The following MTG2 variants were observed in gnomAD, a reference collection of about 807,000 sequenced individuals.
MTG2 encodes mitochondrial ribosome-associated GTPase 2.
Under a neutral mutation model 28.6 loss-of-function variants are expected in MTG2, and 23 were observed. The ratio of observed to expected loss-of-function variants is 0.80; its 90% CI spans 0.58 to 1.14. The LOEUF is 1.14. Ranked by LOEUF, MTG2 falls within the 50% of genes most tolerant of loss-of-function variation. The pLI is 0.00. For missense variants in MTG2, 539 were observed against 552.0 expected, an observed-to-expected ratio of 0.98 and a Z score of 0.24; for synonymous variants, 260 against 251.8, an observed-to-expected ratio of 1.03 and a Z score of -0.31.
chr20:62,185,196 G>A (rs1241550764), intron 1 of MTG2, among the ~76,000 whole-genome samples: 1 of 151,768 alleles, frequency 6.6e-6, no homozygotes, highest in Non-Finnish European at 1.5e-5. Context: ...GGCGGATCAC[G>A]AGATCAGGAG....
At chr20:62,183,748 A>G (rs73917830) in intron 1 of MTG2, among the ~76,000 whole-genome samples, 10,277 of 152,234 alleles carry the variant, frequency 0.068, 444 homozygotes, top group South Asian at 0.19. Flanking sequence ...AAAGGGGAGG[A>G]CCCATTATAA....
At chr20:62,200,132 C>T (rs1228865887) in intron 6 of MTG2, 1 of 152,292 alleles carries the variant, frequency 6.6e-6, no homozygotes, top group Non-Finnish European at 1.5e-5. Context: ...TATTTCTTCC[C>T]ACTCTATTTG....
rs545800228 is a variant in MTG2, at chr20:62,202,529, G to C, written c.*1452G>C. The C allele has an allele frequency of 2.6e-5, 4 of 152,622 alleles. No individual in the cohort carries two copies. The highest frequency in any genetic ancestry group is 9.6e-5 in the African/African-American group (4 of 41,546). 9.5% of individuals were successfully genotyped at this position (152,622 alleles called of 1,614,324 possible). A position where few individuals can be genotyped will look rare whatever the true frequency, so the allele number is the denominator to read the frequency against. On this transcript the variant is annotated 3_prime_UTR_variant, in exon 7 of 7. Transcript: ENST00000370823. ...GCACTTTGGGAGGCCGAGGCTGGTG[G>C]ATCACAAGGTCAGGAGATTGAGACC...
At chr20:62,193,781 C>T in intron 2 of MTG2, 157 bp downstream of exon 2, 1 of 740,928 alleles carries the variant, frequency 1.3e-6, no homozygotes, top group South Asian at 1.9e-5. Context: ...GGGTGAAACG[C>T]AGGCCTGCGT....
intron 1 of MTG2, among the ~76,000 whole-genome samples, chr20:62,183,819 C>G (rs1381917568): frequency 6.6e-6 from 1 of 152,240 alleles, no homozygotes; most frequent in Non-Finnish European, 1.5e-5. Context: ...TCAGGCAGTT[C>G]TGTTTTAGCA....
At chr20:62,198,533 G>A (rs1040444355) in intron 4 of MTG2, 101 bp from the exon 5 acceptor site, 68 of 1,289,262 alleles carry the variant, frequency 5.3e-5, no homozygotes, top group Non-Finnish European at 6.7e-5. Context: ...GGCACAGTCC[G>A]CTCTTGTCTT....
At position 62,200,719 on chromosome 20, in the gene MTG2, A is replaced by C. The variant is rs1373237296; in HGVS notation, c.863A>C (p.Gln288Pro). Residue 288 changes from glutamine to proline, a missense_variant, in exon 7 of 7, where the codon CAG becomes CCG. Gln to Pro is a moderately conservative substitution (Grantham distance 76). Coordinates refer to ENST00000370823, the MANE Select transcript of MTG2 (RefSeq NM_015666.4). ...DIPGIIRGAH[Q>P]NRGLGSAFLR... Reference sequence around the variant, plus strand: ...CCCGGCATCATACGAGGCGCCCACCAGAACAGGGGTCTGGGGTCCGCCTTC... The same window carrying C: ...CCCGGCATCATACGAGGCGCCCACCCGAACAGGGGTCTGGGGTCCGCCTTC... 1.2e-6 allele frequency: 2 copies of C among 1,612,650 alleles called. No individual in the cohort carries two copies. The highest frequency in any genetic ancestry group is 1.7e-6 in the Non-Finnish European group (2 of 1,179,760).
At chr20:62,198,430 G>T (rs1360901173) in intron 4 of MTG2, among the ~76,000 whole-genome samples, 1 of 152,224 alleles carries the variant, frequency 6.6e-6, no homozygotes, top group Non-Finnish European at 1.5e-5. Flanking sequence ...AGAAGGGTGT[G>T]TACGCAGCCC....
At chr20:62,192,241 C>T (rs753162477) in intron 1 of MTG2, among the ~76,000 whole-genome samples, 6 of 152,198 alleles carry the variant, frequency 3.9e-5, no homozygotes, top group Non-Finnish European at 5.9e-5. Context: ...GGAGTTCCTA[C>T]GACCCCTTCA....
chr20:62,197,338 A>T (rs995813562), intron 3 of MTG2: 2 of 152,194 alleles, frequency 1.3e-5, no homozygotes, highest in African/African-American at 4.8e-5. Flanking sequence ...CAGATGTTGC[A>T]GTGAGCCAAG....
chr20:62,183,881 T>C (rs1260080084), intron 1 of MTG2, among the ~76,000 whole-genome samples: 1 of 152,254 alleles, frequency 6.6e-6, no homozygotes, highest in Non-Finnish European at 1.5e-5. Context: ...GAAATTATCC[T>C]GGCCTTAGTC....
At chr20:62,190,190 T>G (rs988200955) in intron 1 of MTG2, among the ~76,000 whole-genome samples, 1 of 152,234 alleles carries the variant, frequency 6.6e-6, no homozygotes, top group Non-Finnish European at 1.5e-5. Context: ...TAGCCTTCAC[T>G]GTCTGCTCAG....
At chr20:62,186,306 C>G (rs6121528) in intron 1 of MTG2, among the ~76,000 whole-genome samples, 20,874 of 152,128 alleles carry the variant, frequency 0.14, 1,873 homozygotes, top group East Asian at 0.46. Context: ...CTGAAAAATA[C>G]TTAGAACAGT....
At chr20:62,183,287 T>C (rs781409881) in intron 1 of MTG2, among the ~76,000 whole-genome samples, 2 of 152,014 alleles carry the variant, frequency 1.3e-5, no homozygotes, top group Non-Finnish European at 2.9e-5. Context: ...GGCGCCTTGC[T>C]CCCCGGTCCT....
intron 2 of MTG2, among the ~76,000 whole-genome samples, chr20:62,194,773 G>A (rs963337414): frequency 6.6e-6 from 1 of 152,228 alleles, no homozygotes; most frequent in Non-Finnish European, 1.5e-5. Flanking sequence ...CCTCCCCAGC[G>A]TGTGGTGAGG....
At chr20:62,195,986 G>A (rs768257413) in intron 3 of MTG2, 37 bp downstream of exon 3, 3 of 1,609,998 alleles carry the variant, frequency 1.9e-6, no homozygotes, top group South Asian at 2.2e-5. Flanking sequence ...GGTTGAGGAG[G>A]GGCCCCGAGA....
chr20:62,199,830 G>GATT (rs1299963027), intron 6 of MTG2: 1 of 151,286 alleles, frequency 6.6e-6, no homozygotes, highest in Non-Finnish European at 1.5e-5. Context: ...AAGTAGCTGG[G>GATT]ATTACAGGCG....
In MTG2 at chr20:62,200,951, G is replaced by A; in HGVS notation, c.1095G>A (p.Gln365=). Residue 365 remains glutamine, a synonymous_variant, in exon 7 of 7, where the codon CAG becomes CAA. Transcript: ENST00000370823. ...NLSQLRDHLG[Q]EVIVLSALTG... ...CCCAGCTCCGGGATCACTTGGGACAGGAGGTCATCGTGCTGTCGGCGTTGA... is the reference window on the plus strand; with the variant it reads ...CCCAGCTCCGGGATCACTTGGGACAAGAGGTCATCGTGCTGTCGGCGTTGA... The A allele has an allele frequency of 6.2e-7, 1 of 1,614,036 alleles. No homozygotes were observed. Among genetic ancestry groups the A allele is most frequent in the East Asian group, 2.2e-5 (1 of 44,888 alleles).
At chr20:62,199,075 GGTGCTGCCGCGGGCC>G (rs756259900) in intron 5 of MTG2, 29 bp from the exon 6 acceptor site, 5 of 1,610,628 alleles carry the variant, frequency 3.1e-6, no homozygotes, top group Non-Finnish European at 4.2e-6. Context: ...CGCTAACAAA[GGTGCTGCCGCGGGCC>G]GTGCCACCGT....
Sources: gnomAD v4.1 joint callset for allele counts (sites outside exome capture counted in the v4.1 genomes callset) on GRCh38, gnomAD v4.1.1 for gene constraint, MANE v1.5 for transcripts, NCBI Gene and HGNC (gene_info 2026-07-23, HGNC 2026-07-21) for gene names.